ROBO2: variants seen among roughly 807,000 people sequenced by gnomAD.
ROBO2 encodes the protein roundabout homolog 2.
Under a neutral mutation model 160.8 loss-of-function variants are expected in ROBO2, and 53 were observed. The ratio of observed to expected loss-of-function variants is 0.33; its 90% CI spans 0.26 to 0.41. The LOEUF (loss-of-function observed/expected upper bound fraction) is 0.41, where lower values mean the gene tolerates loss of function less well. Ranked by LOEUF, ROBO2 falls within the 10% of genes least tolerant of loss-of-function variation. The probability of loss-of-function intolerance (pLI) is 1.00; values close to 1 mark genes in which losing one functional copy is unlikely to be tolerated. For missense variants in ROBO2, 1,577 were observed against 1,722.4 expected, an observed-to-expected ratio of 0.92 and a Z score of 1.49; for synonymous variants, 664 against 611.7, an observed-to-expected ratio of 1.09 and a Z score of -1.26.
At chr3:76,736,021 C>T (rs1281956801) in intron 2 of ROBO2, among the ~76,000 whole-genome samples, 1 of 151,808 alleles carries the variant, frequency 6.6e-6, no homozygotes, top group African/African-American at 2.4e-5. Context: ...CGGTGGCTCA[C>T]ACCTGTAATC....
chr3:77,357,089 TA>T (rs1450614330), intron 2 of ROBO2, among the ~76,000 whole-genome samples: 1 of 152,184 alleles, frequency 6.6e-6, no homozygotes, highest in Non-Finnish European at 1.5e-5. Context: ...AGTTATTGTG[TA>T]CCAGATACTT....
At position 76,467,481 on chromosome 3, in the gene ROBO2, A is replaced by G. The variant is rs891000347; in HGVS notation, c.109+529879A>G. On this transcript the variant is annotated intron_variant, in intron 2 of 26. Coordinates refer to the ROBO2 transcript ENST00000487694. ...TCACCAAATATTTTATGTGTTTCCT[A>G]TATTCCCAATTCTCCCTTGATGTCA... Among the ~76,000 whole-genome samples the G allele has an allele frequency of 2.6e-5, 4 of 152,110 alleles. No individual in the cohort carries two copies. The South Asian group carries it at 6.2e-4, about 24-fold the overall frequency.
chr3:77,029,692 T>A (rs1441983278), intron 2 of ROBO2, among the ~76,000 whole-genome samples: 1 of 152,228 alleles, frequency 6.6e-6, no homozygotes, highest in Non-Finnish European at 1.5e-5. Flanking sequence ...GAATTACTTT[T>A]AAATTTTGAT....
chr3:76,972,255 G>T (rs747380717), intron 2 of ROBO2, among the ~76,000 whole-genome samples: 1 of 151,910 alleles, frequency 6.6e-6, no homozygotes, highest in South Asian at 2.1e-4. Flanking sequence ...AGGATTTTGT[G>T]TTTGGAACTG....
chr3:76,242,929 AAAAC>A (rs140231081), intron 2 of ROBO2, among the ~76,000 whole-genome samples: 50,700 of 151,702 alleles, frequency 0.33, 10,409 homozygotes, highest in Non-Finnish European at 0.45. Context: ...CTGAATGAAC[AAAAC>A]AAACAAACAA....
intron 6 of ROBO2, among the ~76,000 whole-genome samples, chr3:77,540,021 G>C (rs1376757982): frequency 6.6e-6 from 1 of 152,188 alleles, no homozygotes; most frequent in Admixed American, 6.5e-5. Context: ...GAAAATCTTA[G>C]ATCAGCTGAT....
intron 2 of ROBO2, among the ~76,000 whole-genome samples, chr3:76,697,377 C>T (rs1240365716): frequency 1.3e-5 from 2 of 152,118 alleles, no homozygotes; most frequent in Non-Finnish European, 2.9e-5. Flanking sequence ...GGCACAGTGG[C>T]TCACACCTGT....
chr3:76,349,801 A>G (rs934578586), intron 2 of ROBO2, among the ~76,000 whole-genome samples: 2 of 151,946 alleles, frequency 1.3e-5, no homozygotes, highest in Admixed American at 6.6e-5. Flanking sequence ...TTGGGCCCCA[A>G]TTTCCGCAGG....
chr3:76,410,107 C>A (rs1001108041), intron 2 of ROBO2, among the ~76,000 whole-genome samples: 1 of 152,030 alleles, frequency 6.6e-6, no homozygotes, highest in South Asian at 2.1e-4. Context: ...TTTTCTTGGG[C>A]TGCTTTGTTT....
chr3:77,281,859 A>C (rs1265173368), intron 2 of ROBO2, among the ~76,000 whole-genome samples: 2 of 152,060 alleles, frequency 1.3e-5, no homozygotes, highest in African/African-American at 4.8e-5. Context: ...CGCAGTTCAC[A>C]ATAGGGTAAG....
chr3:77,344,507 C>T (rs1198953361), intron 2 of ROBO2, among the ~76,000 whole-genome samples: 2 of 152,106 alleles, frequency 1.3e-5, no homozygotes, highest in Non-Finnish European at 2.9e-5. Flanking sequence ...GTCCCTTCTA[C>T]CAGGTGAGGA....
chr3:75,990,346 G>T (rs147885034), intron 2 of ROBO2, among the ~76,000 whole-genome samples: 107 of 152,272 alleles, frequency 7.0e-4, no homozygotes, highest in African/African-American at 2.4e-3. Context: ...AGGTCACCCT[G>T]TCTTTGAGTT....
chr3:76,298,078 A>G (rs1352791174), intron 2 of ROBO2, among the ~76,000 whole-genome samples: 1 of 152,206 alleles, frequency 6.6e-6, no homozygotes, highest in South Asian at 2.1e-4. Flanking sequence ...CGGGAATAAG[A>G]ACTCTGAAAT....
chr3:77,317,853 G>A (rs1425189211), intron 2 of ROBO2, among the ~76,000 whole-genome samples: 7 of 53,338 alleles, frequency 1.3e-4, no homozygotes, highest in Non-Finnish European at 2.5e-4. Flanking sequence ...GGGGCTGCTG[G>A]GGGGCTGCTG....
intron 24 of ROBO2, among the ~76,000 whole-genome samples, chr3:77,640,965 C>G (rs1011366998): frequency 6.6e-6 from 1 of 152,092 alleles, no homozygotes; most frequent in Non-Finnish European, 1.5e-5. Context: ...TTAAGCTGCT[C>G]TGATGCAGAA....
intron 2 of ROBO2, among the ~76,000 whole-genome samples, chr3:76,773,875 G>T (rs1435401760): frequency 6.6e-6 from 1 of 150,808 alleles, no homozygotes; most frequent in African/African-American, 2.4e-5. Context: ...AAAGTCAGAG[G>T]TGGGGACCTT....
At chr3:76,973,230 T>C (rs1306776782) in intron 2 of ROBO2, among the ~76,000 whole-genome samples, 1 of 152,190 alleles carries the variant, frequency 6.6e-6, no homozygotes, top group East Asian at 1.9e-4. Flanking sequence ...GCCTAGTCTT[T>C]GCCCAGTCCT....
At chr3:76,712,998 T>C (rs905345813) in intron 2 of ROBO2, among the ~76,000 whole-genome samples, 11 of 152,242 alleles carry the variant, frequency 7.2e-5, no homozygotes, top group Non-Finnish European at 1.5e-4. Context: ...AAGGCTCTGA[T>C]ATCTAAAATA....
At chr3:75,909,980 G>A (rs1365016115) in intron 1 of ROBO2, among the ~76,000 whole-genome samples, 2 of 152,308 alleles carry the variant, frequency 1.3e-5, no homozygotes, top group Admixed American at 6.5e-5. Context: ...TAGTGAGATG[G>A]AAGTAAGATG....
Sources: allele counts gnomAD v4.1 joint callset (sites outside exome capture counted in the v4.1 genomes callset), GRCh38; gene constraint gnomAD v4.1.1; transcripts MANE v1.5; gene names NCBI Gene and HGNC (gene_info 2026-07-23, HGNC 2026-07-21).